FADS6: variants seen among roughly 807,000 people sequenced by gnomAD.
The protein encoded by FADS6 is fatty acid desaturase 6.
A neutral mutation model predicts 31.7 loss-of-function variants in FADS6; 28 were observed. The observed-to-expected ratio is 0.88, with a 90% confidence interval of 0.66 to 1.21. The LOEUF (loss-of-function observed/expected upper bound fraction) is 1.21, where lower values mean the gene tolerates loss of function less well. FADS6 is among the 50% of genes most tolerant of loss of function. The pLI is 0.00. For synonymous variants in FADS6, 191 were observed against 213.1 expected (o/e 0.90, Z 0.90); for missense variants, 494 against 504.2 (o/e 0.98, Z 0.19).
rs930222762 is a variant in FADS6 at position 74,878,321 on chromosome 17, C to T, written c.*10G>A. The T allele has an allele frequency of 6.2e-7, 1 of 1,610,720 alleles. No individual in the cohort carries two copies. Among genetic ancestry groups the T allele is most frequent in the Admixed American group, 1.7e-5 (1 of 59,588 alleles). ...GGGAGGGGCAGGGTGGCTGCACCGGCCCGGCCTCATTACAGCCCCACAAGC... is the reference window on the plus strand; with the variant it reads ...GGGAGGGGCAGGGTGGCTGCACCGGTCCGGCCTCATTACAGCCCCACAAGC... On this transcript the variant is annotated 3_prime_UTR_variant, in exon 6 of 6. Coordinates refer to ENST00000612771, the MANE Select transcript of FADS6 (RefSeq NM_178128.6).
In FADS6 at chr17:74,882,395, A is replaced by C. The variant is rs1369250025; in HGVS notation, c.592+135T>G. ...CAGCTCCAGGTCTGAGGCTCTTTCT[A>C]CCTTGCCATGCTGTCTCAGCACGTA... On this transcript the variant is annotated intron_variant, in intron 3 of 5. Coordinates refer to ENST00000612771, the MANE Select transcript of FADS6 (RefSeq NM_178128.6). The C allele has an allele frequency of 2.9e-6, 3 of 1,049,468 alleles. No homozygotes were observed. The African/African-American group carries it at 4.8e-5, about 17-fold the overall frequency. 65.0% of individuals were successfully genotyped at this position (1,049,468 alleles called of 1,614,324 possible). A position where few individuals can be genotyped will look rare whatever the true frequency, so the allele number is the denominator to read the frequency against.
intron 2 of FADS6, among the ~76,000 whole-genome samples, chr17:74,890,101 T>C (rs576754132): frequency 1.3e-5 from 2 of 152,240 alleles, no homozygotes; most frequent in East Asian, 3.9e-4. Flanking sequence ...CACTTAGATG[T>C]TGAATTAAGT....
intron 2 of FADS6, among the ~76,000 whole-genome samples, chr17:74,890,869 G>A (rs375666148): frequency 1.3e-5 from 2 of 152,196 alleles, no homozygotes; most frequent in East Asian, 1.9e-4. Flanking sequence ...TGGTGTGGGT[G>A]TAACACTTTG....
At chr17:74,879,325 G>A (rs531255213) in intron 5 of FADS6, 79 bp downstream of exon 5, 11 of 1,527,660 alleles carry the variant, frequency 7.2e-6, no homozygotes, top group East Asian at 6.9e-5. Flanking sequence ...TGTGAGCAAC[G>A]CCCCCAGGCC....
At chr17:74,887,011 C>T (rs768115883) in intron 2 of FADS6, among the ~76,000 whole-genome samples, 51 of 151,756 alleles carry the variant, frequency 3.4e-4, no homozygotes, top group Non-Finnish European at 6.6e-4. Context: ...TGTCCCTGGC[C>T]TCTACACACT....
At chr17:74,892,798 G>T in intron 1 of FADS6, 109 bp from the exon 2 acceptor site, 1 of 1,141,412 alleles carries the variant, frequency 8.8e-7, no homozygotes, top group Non-Finnish European at 1.2e-6. Context: ...GCTAGGCTCT[G>T]GGGGCTGCCA....
intron 4 of FADS6, among the ~76,000 whole-genome samples, chr17:74,880,866 G>A (rs1014167320): frequency 6.6e-6 from 1 of 152,204 alleles, no homozygotes; most frequent in Non-Finnish European, 1.5e-5. Context: ...GACCATGAAT[G>A]ATGAGTAGGA....
At position 74,879,398 on chromosome 17, in the gene FADS6, G is replaced by A. The variant is rs760021048; in HGVS notation, c.960+6C>T. 22 of 1,612,684 alleles carry A rather than the reference G, an allele frequency of 1.4e-5. No individual in the cohort carries two copies. Among genetic ancestry groups the A allele is most frequent in the South Asian group, 2.2e-5 (2 of 90,974 alleles). The stretch of plus-strand genomic sequence containing the variant: ...TTCCAGCGCCCCCAGCCCAGCCCTC[G>A]ACTACCTTCAGGCACATGTTATCAG... On this transcript the variant is annotated splice_donor_region_variant and intron_variant, in intron 5 of 5. Coordinates refer to ENST00000612771, the MANE Select transcript of FADS6 (RefSeq NM_178128.6).
Position 74,879,439 on chromosome 17 carries a change from G to C in FADS6, c.925C>G (p.Leu309Val). Residue 309 changes from leucine (L) to valine (V), a missense_variant, in exon 5 of 6, where the codon CTA becomes GTA. Physicochemically the swap from Leu to Val is conservative, Grantham distance 32 (BLOSUM62 1). This residue lies in a region of FADS6 where 454 missense variants were observed against 438.5 expected (regional missense o/e 1.04). Coordinates refer to ENST00000612771, the MANE Select transcript of FADS6 (RefSeq NM_178128.6). ...ATGTTATCAGAGAGCCTGGGGAATA[G>C]ATGGTGTTCCACATGGCAGCTGATG... ...SIISCHVEHH[L>V]FPRLSDNMCL... is the part of the protein sequence containing the mutation. 6 of 1,613,964 alleles carry C rather than the reference G, an allele frequency of 3.7e-6. No individual in the cohort carries two copies. Among genetic ancestry groups the C allele is most frequent in the Non-Finnish European group, 5.1e-6 (6 of 1,179,886 alleles).
At chr17:74,882,938 A>G in intron 2 of FADS6, 1 of 1,250,852 alleles carries the variant, frequency 8.0e-7, no homozygotes, top group Non-Finnish European at 1.1e-6. Flanking sequence ...GAGGCTCTGC[A>G]AAGCATTTGG....
At chr17:74,892,457 G>A (rs961860187) in intron 2 of FADS6, 66 bp downstream of exon 2, 56 of 1,539,336 alleles carry the variant, frequency 3.6e-5, no homozygotes, top group Non-Finnish European at 4.8e-5. Flanking sequence ...CCGCATGCTC[G>A]AACAGAAGAA....
At position 74,881,251 on chromosome 17, in the gene FADS6, C is replaced by T; in HGVS notation, c.597G>A (p.Arg199=). Residue 199 remains arginine, a synonymous_variant, in exon 4 of 6, where the codon CGG becomes CGA. Transcript: ENST00000612771. The part of the protein sequence containing the change: ...PIATPLVAVE[R]LRKVELGTAL... ...CTGTCCCGAGCTCCACCTTCCTCAG[C>T]CGCTCTGCCATAGAGGGAGGGGACA... 1 of 1,593,442 alleles carries T rather than the reference C, an allele frequency of 6.3e-7. No homozygotes were observed. The highest frequency in any genetic ancestry group is 8.5e-7 in the Non-Finnish European group (1 of 1,170,514).
At chr17:74,888,162 G>A (rs689765) in intron 2 of FADS6, among the ~76,000 whole-genome samples, 14,028 of 138,562 alleles carry the variant, frequency 0.1, 1,114 homozygotes, top group African/African-American at 0.23. Flanking sequence ...ACACGCGCGC[G>A]CGCGCGCGCG....
Position 74,879,503 on chromosome 17 carries a change from G to A in FADS6, c.861C>T (p.Ala287=), listed in dbSNP as rs775654616. 1.9e-6 allele frequency: 3 copies of A among 1,613,884 alleles called. No homozygotes were observed. Among genetic ancestry groups the A allele is most frequent in the Non-Finnish European group, 2.5e-6 (3 of 1,179,896 alleles). The part of the protein sequence containing the change: ...HMMSLGVLNL[A]RLPVLDWAFG... ...ACGCCCAGTCCAGCACGGGCAGCCG[G>A]GCCAGGTTAAGCACCCCCAGGCTCA... The change falls in exon 5 of 6, where the codon GCC becomes GCT. Residue 287 remains alanine, a synonymous_variant. Transcript: ENST00000612771.
intron 5 of FADS6, 137 bp from the exon 6 acceptor site, chr17:74,878,614 G>T: frequency 9.3e-7 from 1 of 1,071,002 alleles, no homozygotes; most frequent in Non-Finnish European, 1.3e-6. Flanking sequence ...CGGAGGAGCA[G>T]AAGGGCTTAA....
rs2038556922 is a variant in FADS6, at chr17:74,880,580, G to A, written c.780+488C>T. Among the ~76,000 whole-genome samples, 3 of 152,016 alleles carry A rather than the reference G, an allele frequency of 2.0e-5. 1 individual carries two copies. The South Asian group carries it at 6.2e-4, about 32-fold the overall frequency. ...ATGTTGGCCAGGCTCCTGACCTCAG[G>A]TGATCCACCCACCTCAGTCTCCCAA... On this transcript the variant is annotated intron_variant, in intron 4 of 5. Coordinates refer to ENST00000612771, the MANE Select transcript of FADS6 (RefSeq NM_178128.6).
At chr17:74,878,723 G>A (rs1007516062) in intron 5 of FADS6, among the ~76,000 whole-genome samples, 2 of 152,146 alleles carry the variant, frequency 1.3e-5, no homozygotes, top group Non-Finnish European at 2.9e-5. Flanking sequence ...TGGCACAGGG[G>A]GATAAAAACC....
In FADS6 at chr17:74,881,220, G is replaced by A. The variant is rs375292377; in HGVS notation, c.628C>T (p.Arg210Trp). ...LRKVELGTAL[R>W]TLALISLGLY... ...CCCAGAGAAATCAGGGCCAGCGTCC[G>A]CAGGGCTGTCCCGAGCTCCACCTTC... Residue 210 changes from arginine to tryptophan, a missense_variant, in exon 4 of 6, where the codon CGG (arginine) becomes TGG (tryptophan). By Grantham distance (101) the Arg-to-Trp change is moderately radical. Around this residue, in one of 2 missense-constraint regions of FADS6, gnomAD observed 454 missense variants for 438.5 expected, o/e 1.04. Coordinates refer to ENST00000612771, the MANE Select transcript of FADS6 (RefSeq NM_178128.6). 221 of 1,607,054 alleles carry A rather than the reference G, an allele frequency of 1.4e-4. No homozygotes were observed. Among genetic ancestry groups the A allele is most frequent in the Non-Finnish European group, 1.7e-4 (197 of 1,176,912 alleles).
Position 74,893,615 on chromosome 17 carries a change from C to G in FADS6, c.-20G>C. On this transcript the variant is annotated 5_prime_UTR_variant, in exon 1 of 6. Coordinates refer to ENST00000612771, the MANE Select transcript of FADS6 (RefSeq NM_178128.6). The stretch of plus-strand genomic sequence containing the variant: ...TTCCATGGACTCTGTGGGCTCGGGC[C>G]CGACGCGCACGGAGGACTGGAGGAC... The G allele has an allele frequency of 7.8e-7, 1 of 1,276,800 alleles. No homozygotes were observed. Among genetic ancestry groups the G allele is most frequent in the Non-Finnish European group, 1.0e-6 (1 of 1,004,376 alleles). The allele number at this position is 1,276,800 out of a possible 1,614,324, so 79.1% of individuals were successfully genotyped here.
Sources: gnomAD v4.1 joint callset for allele counts (sites outside exome capture counted in the v4.1 genomes callset) on GRCh38, gnomAD v4.1.1 for gene constraint, gnomAD v4.1.1 regional missense constraint, MANE v1.5 for transcripts, NCBI Gene and HGNC (gene_info 2026-07-23, HGNC 2026-07-21) for gene names.